The following LRRTM4 variants were observed in gnomAD, a reference collection of about 807,000 sequenced individuals.
LRRTM4 encodes the protein leucine-rich repeat transmembrane neuronal protein 4.
In LRRTM4, 25 loss-of-function variants were observed where a neutral mutation model predicts 47.6. The ratio of observed to expected loss-of-function variants is 0.53; its 90% CI spans 0.38 to 0.73. LRRTM4 has a LOEUF of 0.73. Ranked by LOEUF, LRRTM4 falls within the 30% of genes least tolerant of loss-of-function variation. LRRTM4 has a pLI of 0.00. For synonymous variants in LRRTM4, 311 were observed against 269.5 expected, an observed-to-expected ratio of 1.15 and a Z score of -1.51; for missense variants, 638 against 713.4, an observed-to-expected ratio of 0.89 and a Z score of 1.20.
chr2:77,234,483 GT>G (rs1178103056), intron 3 of LRRTM4, among the ~76,000 whole-genome samples: 2 of 152,136 alleles, frequency 1.3e-5, no homozygotes, highest in Admixed American at 6.6e-5. Flanking sequence ...TAGTTTCACT[GT>G]AAAAGGTAGG....
intron 3 of LRRTM4, among the ~76,000 whole-genome samples, chr2:77,272,414 G>A (rs2104073965): frequency 6.6e-6 from 1 of 152,246 alleles, no homozygotes; most frequent in South Asian, 2.1e-4. Flanking sequence ...AGGAAGAAGG[G>A]AGAAGGGAAA....
chr2:77,410,065 T>C, intron 3 of LRRTM4, among the ~76,000 whole-genome samples: 1 of 152,228 alleles, frequency 6.6e-6, no homozygotes, highest in East Asian at 1.9e-4. Context: ...TATAATGATG[T>C]CAATATCATC....
intron 3 of LRRTM4, among the ~76,000 whole-genome samples, chr2:76,841,027 A>C (rs1671659700): frequency 6.7e-6 from 1 of 149,824 alleles, no homozygotes; most frequent in African/African-American, 2.5e-5. Context: ...AACCAACCCA[A>C]ATGTCCAACA....
Position 76,837,771 on chromosome 2 carries a change from T to A in LRRTM4, c.1552-88855A>T, listed in dbSNP as rs1161456234. On this transcript the variant is annotated intron_variant, in intron 3 of 3. Transcript: ENST00000409884. Reference sequence around the variant, plus strand: ...CTATGCAGCCACAAAAAATTATGAGTTCATGTCCTTTGTAGGGACATGGAT... The same window carrying A: ...CTATGCAGCCACAAAAAATTATGAGATCATGTCCTTTGTAGGGACATGGAT... 3.3e-5 allele frequency among the ~76,000 whole-genome samples: 5 copies of A among 152,052 alleles called. No homozygotes were observed. In the South Asian group the frequency reaches 1.0e-3, roughly 31 times the overall value.
At chr2:77,154,897 G>C (rs1441971649) in intron 3 of LRRTM4, among the ~76,000 whole-genome samples, 2 of 151,974 alleles carry the variant, frequency 1.3e-5, no homozygotes, top group African/African-American at 2.4e-5. Flanking sequence ...CTCTGTTTCT[G>C]ACCCTTTAAA....
chr2:77,335,996 A>G (rs1671148030), intron 3 of LRRTM4, among the ~76,000 whole-genome samples: 1 of 152,076 alleles, frequency 6.6e-6, no homozygotes, highest in African/African-American at 2.4e-5. Context: ...CACTTAAAGA[A>G]ATAGGCAGTG....
chr2:76,807,437 C>CACATATATAT (rs1558667459), intron 3 of LRRTM4, among the ~76,000 whole-genome samples: 2 of 34,302 alleles, frequency 5.8e-5, no homozygotes, highest in Admixed American at 4.3e-4. Flanking sequence ...TATATATATA[C>CACATATATAT]GTATATACAT....
chr2:76,998,598 AC>A, intron 3 of LRRTM4, among the ~76,000 whole-genome samples: 1 of 151,652 alleles, frequency 6.6e-6, no homozygotes, highest in Non-Finnish European at 1.5e-5. Flanking sequence ...TTAACAAGAA[AC>A]CCCAGGCAAT....
At chr2:77,412,991 C>T (rs1409541648) in intron 3 of LRRTM4, among the ~76,000 whole-genome samples, 2 of 152,198 alleles carry the variant, frequency 1.3e-5, no homozygotes, top group Admixed American at 6.6e-5. Flanking sequence ...TTTTTGTGTA[C>T]ATCTTCTCTA....
intron 3 of LRRTM4, among the ~76,000 whole-genome samples, chr2:76,951,627 TCTTTTA>T (rs1323190273): frequency 1.3e-5 from 2 of 152,086 alleles, no homozygotes; most frequent in South Asian, 4.1e-4. Flanking sequence ...ATAATTTTTT[TCTTTTA>T]CTTTAACTTC....
intron 3 of LRRTM4, among the ~76,000 whole-genome samples, chr2:77,018,435 A>G (rs1426568777): frequency 6.6e-6 from 1 of 152,012 alleles, no homozygotes; most frequent in African/African-American, 2.4e-5. Flanking sequence ...TGTAGCTGCC[A>G]TATCATATCT....
At chr2:76,789,223 T>G (rs12988164) in intron 3 of LRRTM4, among the ~76,000 whole-genome samples, 95,763 of 152,050 alleles carry the variant, frequency 0.63, 30,309 homozygotes, top group Admixed American at 0.69. Context: ...CCAAGGCACC[T>G]TATGTGCTAG....
At chr2:77,071,522 T>A (rs1264461106) in intron 3 of LRRTM4, among the ~76,000 whole-genome samples, 1 of 152,170 alleles carries the variant, frequency 6.6e-6, no homozygotes, top group Non-Finnish European at 1.5e-5. Context: ...ATCTTGCTCC[T>A]GAATTCTTCT....
chr2:76,960,590 CATGT>C (rs954442878), intron 3 of LRRTM4, among the ~76,000 whole-genome samples: 50 of 151,576 alleles, frequency 3.3e-4, no homozygotes, highest in African/African-American at 1.2e-3. Flanking sequence ...CAAACACATG[CATGT>C]GTGTGCACAC....
chr2:77,262,243 T>C (rs1359523343), intron 3 of LRRTM4, among the ~76,000 whole-genome samples: 1 of 152,040 alleles, frequency 6.6e-6, no homozygotes, highest in Non-Finnish European at 1.5e-5. Context: ...GTAATAATAA[T>C]AGAAATAAAC....
At chr2:77,098,929 C>G (rs1012783708) in intron 3 of LRRTM4, among the ~76,000 whole-genome samples, 4 of 151,852 alleles carry the variant, frequency 2.6e-5, no homozygotes, top group Admixed American at 2.6e-4. Flanking sequence ...TGATGAGACT[C>G]CATTTCACAT....
intron 3 of LRRTM4, among the ~76,000 whole-genome samples, chr2:76,857,177 T>C (rs1672178007): frequency 6.6e-6 from 1 of 151,488 alleles, no homozygotes; most frequent in Non-Finnish European, 1.5e-5. Flanking sequence ...AACATGAAGA[T>C]AACAAGGATG....
chr2:76,997,501 TGA>T (rs1677244772), intron 3 of LRRTM4, among the ~76,000 whole-genome samples: 1 of 152,208 alleles, frequency 6.6e-6, no homozygotes, highest in East Asian at 1.9e-4. Context: ...GTGACAAAAT[TGA>T]GTTACTGTCT....
At chr2:77,361,818 T>G (rs1332855170) in intron 3 of LRRTM4, among the ~76,000 whole-genome samples, 1 of 152,118 alleles carries the variant, frequency 6.6e-6, no homozygotes, top group African/African-American at 2.4e-5. Context: ...GTACAACCAT[T>G]GACATTTTAC....
Sources: allele counts gnomAD v4.1 joint callset (sites outside exome capture counted in the v4.1 genomes callset), GRCh38; gene constraint gnomAD v4.1.1; transcripts MANE v1.5; gene names NCBI Gene and HGNC (gene_info 2026-07-23, HGNC 2026-07-21).